NLGN1: variants seen among roughly 807,000 people sequenced by gnomAD.
NLGN1 encodes the protein neuroligin-1.
NLGN1 carries 12 observed loss-of-function variants against 65.5 expected under a neutral mutation model. The ratio of observed to expected loss-of-function variants is 0.18; its 90% confidence interval spans 0.12 to 0.30. NLGN1 has a LOEUF of 0.30. Ranked by LOEUF, NLGN1 falls within the 10% of genes least tolerant of loss-of-function variation. NLGN1 has a pLI of 1.00. For synonymous variants in NLGN1, 350 were observed against 359.5 expected (o/e 0.97, Z 0.30); for missense variants, 750 against 1,007.1 (o/e 0.74, Z 3.46).
At chr3:173,813,716 T>C (rs1324322502) in intron 4 of NLGN1, among the ~76,000 whole-genome samples, 1 of 152,208 alleles carries the variant, frequency 6.6e-6, no homozygotes, top group Non-Finnish European at 1.5e-5. Flanking sequence ...TGAACACAGA[T>C]GCATTTCCTA....
intron 2 of NLGN1, among the ~76,000 whole-genome samples, chr3:173,490,227 G>A (rs1345638792): frequency 2.0e-5 from 3 of 152,086 alleles, no homozygotes; most frequent in African/African-American, 4.8e-5. Flanking sequence ...ATGGTTTTAG[G>A]TCTAACATTT....
intron 4 of NLGN1, among the ~76,000 whole-genome samples, chr3:174,130,045 G>C (rs1209524982): frequency 6.6e-6 from 1 of 152,218 alleles, no homozygotes; most frequent in Non-Finnish European, 1.5e-5. Context: ...CTGAACTTCA[G>C]GGCAGGGAGC....
At chr3:173,677,601 TAA>T (rs1323200990) in intron 3 of NLGN1, among the ~76,000 whole-genome samples, 7 of 152,086 alleles carry the variant, frequency 4.6e-5, no homozygotes, top group African/African-American at 1.7e-4. Context: ...ATAGATTTGA[TAA>T]GTTTATAACC....
chr3:174,091,167 A>G (rs1280025149), intron 4 of NLGN1, among the ~76,000 whole-genome samples: 1 of 152,196 alleles, frequency 6.6e-6, no homozygotes, highest in African/African-American at 2.4e-5. Context: ...ATGAAATTTG[A>G]GTTAATCTCT....
chr3:173,658,731 T>A (rs1244026635), intron 3 of NLGN1, among the ~76,000 whole-genome samples: 1 of 151,976 alleles, frequency 6.6e-6, no homozygotes, highest in African/African-American at 2.4e-5. Context: ...GGGTCCTGTT[T>A]CAAGGGTATG....
At chr3:173,804,337 A>G (rs892558479) in intron 3 of NLGN1, among the ~76,000 whole-genome samples, 1 of 152,088 alleles carries the variant, frequency 6.6e-6, no homozygotes, top group East Asian at 1.9e-4. Context: ...AAGTCAGTAG[A>G]TGCTGTTTAG....
intron 2 of NLGN1, among the ~76,000 whole-genome samples, chr3:173,479,798 A>G (rs542035742): frequency 1.3e-5 from 2 of 152,330 alleles, no homozygotes; most frequent in East Asian, 3.9e-4. Context: ...TATGAACAAT[A>G]AAGAAAAAAA....
At chr3:173,703,685 C>T (rs572873385) in intron 3 of NLGN1, among the ~76,000 whole-genome samples, 16 of 152,156 alleles carry the variant, frequency 1.1e-4, no homozygotes, top group African/African-American at 2.9e-4. Context: ...AAGTGTTAAC[C>T]GTGAATCCAT....
At chr3:173,681,324 A>G (rs566108004) in intron 3 of NLGN1, among the ~76,000 whole-genome samples, 1 of 152,314 alleles carries the variant, frequency 6.6e-6, no homozygotes, top group Non-Finnish European at 1.5e-5. Context: ...TGATGTTTTG[A>G]TGGATAATAA....
At chr3:173,458,191 G>T (rs1043504844) in intron 2 of NLGN1, among the ~76,000 whole-genome samples, 4 of 152,064 alleles carry the variant, frequency 2.6e-5, no homozygotes, top group South Asian at 4.2e-4. Flanking sequence ...AAGAAACAGA[G>T]GGTGAGAGAG....
intron 3 of NLGN1, among the ~76,000 whole-genome samples, chr3:173,779,867 TC>T (rs1780862733): frequency 6.6e-6 from 1 of 152,100 alleles, no homozygotes; most frequent in South Asian, 2.1e-4. Context: ...TTTACTAGTT[TC>T]CCCTCATCAA....
At chr3:174,037,868 A>G (rs906872540) in intron 4 of NLGN1, among the ~76,000 whole-genome samples, 2 of 150,190 alleles carry the variant, frequency 1.3e-5, no homozygotes, top group Non-Finnish European at 3.0e-5. Flanking sequence ...ATTACAATTG[A>G]CGGTGTGGTG....
chr3:173,695,659 T>C (rs749749611), intron 3 of NLGN1: 48 of 197,644 alleles, frequency 2.4e-4, no homozygotes, highest in Non-Finnish European at 3.5e-4. Context: ...TGTGGACTTA[T>C]AAAAGTCCAC....
chr3:173,499,104 G>A (rs570633736), intron 2 of NLGN1, among the ~76,000 whole-genome samples: 4 of 151,304 alleles, frequency 2.6e-5, no homozygotes, highest in African/African-American at 9.8e-5. Context: ...ATTGCTTTTG[G>A]TGTTTTAGAC....
chr3:173,871,177 C>G (rs915965192), intron 4 of NLGN1, among the ~76,000 whole-genome samples: 3 of 152,132 alleles, frequency 2.0e-5, no homozygotes, highest in Non-Finnish European at 2.9e-5. Context: ...GATGACGTGT[C>G]CCGAAGAGGC....
chr3:173,478,861 C>T (rs749179376), intron 2 of NLGN1, among the ~76,000 whole-genome samples: 1 of 150,896 alleles, frequency 6.6e-6, no homozygotes, highest in African/African-American at 2.4e-5. Flanking sequence ...CACTGCACTC[C>T]AGCATGGGAG....
intron 4 of NLGN1, among the ~76,000 whole-genome samples, chr3:174,217,614 T>G (rs1442997547): frequency 6.6e-6 from 1 of 152,078 alleles, no homozygotes; most frequent in Non-Finnish European, 1.5e-5. Context: ...AAGGCCCACT[T>G]TCATGACATA....
chr3:174,037,956 A>G (rs778604254), intron 4 of NLGN1, among the ~76,000 whole-genome samples: 1 of 152,024 alleles, frequency 6.6e-6, no homozygotes, highest in Non-Finnish European at 1.5e-5. Context: ...CAAAAAGGGC[A>G]GAGATGGTCC....
chr3:173,886,467 C>T (rs1304165033), intron 4 of NLGN1, among the ~76,000 whole-genome samples: 1 of 152,018 alleles, frequency 6.6e-6, no homozygotes, highest in Non-Finnish European at 1.5e-5. Flanking sequence ...GCAGTAGTTT[C>T]ATCCATTTTA....
Sources: allele counts gnomAD v4.1 joint callset (sites outside exome capture counted in the v4.1 genomes callset), GRCh38; gene constraint gnomAD v4.1.1; transcripts MANE v1.5; gene names NCBI Gene and HGNC (gene_info 2026-07-23, HGNC 2026-07-21).